ARAP2: variants seen among roughly 807,000 people sequenced by gnomAD.
ARAP2 encodes arf-GAP with Rho-GAP domain, ANK repeat and PH domain-containing protein 2.
In ARAP2, 148 loss-of-function variants were observed where a neutral mutation model predicts 194.5. The ratio of observed to expected loss-of-function variants is 0.76; its 90% CI spans 0.67 to 0.87. The LOEUF (loss-of-function observed/expected upper bound fraction) is 0.87, where lower values mean the gene tolerates loss of function less well. Among genes scored for constraint, ARAP2 ranks in the 40% least tolerant of loss-of-function variants. The pLI is 0.00. For synonymous variants in ARAP2, 695 were observed against 683.5 expected, an observed-to-expected ratio of 1.02 and a Z score of -0.26; for missense variants, 2,128 against 1,989.7, an observed-to-expected ratio of 1.07 and a Z score of -1.32.
chr4:36,113,388 C>T (rs979783742), intron 26 of ARAP2, among the ~76,000 whole-genome samples: 5 of 151,972 alleles, frequency 3.3e-5, no homozygotes, highest in African/African-American at 9.7e-5. Context: ...AGACAAAGTA[C>T]TGACAATCCC....
intron 1 of ARAP2, among the ~76,000 whole-genome samples, chr4:36,238,609 C>A (rs1247886134): frequency 6.6e-6 from 1 of 152,184 alleles, no homozygotes; most frequent in African/African-American, 2.4e-5. Context: ...CCATATCTTG[C>A]AAATTCAAGT....
At chr4:36,179,944 T>C (rs1240899686) in intron 8 of ARAP2, among the ~76,000 whole-genome samples, 1 of 152,244 alleles carries the variant, frequency 6.6e-6, no homozygotes, top group African/African-American at 2.4e-5. Flanking sequence ...CATTCGATAG[T>C]GCTTTATTGC....
chr4:36,110,189 A>G (rs1046677279), intron 26 of ARAP2, among the ~76,000 whole-genome samples: 12 of 151,840 alleles, frequency 7.9e-5, no homozygotes, highest in African/African-American at 2.9e-4. Flanking sequence ...TTCTGTACAC[A>G]TATGTAAGCC....
At chr4:36,178,875 T>C (rs1218117765) in intron 8 of ARAP2, among the ~76,000 whole-genome samples, 2 of 152,162 alleles carry the variant, frequency 1.3e-5, no homozygotes, top group Non-Finnish European at 2.9e-5. Flanking sequence ...AAAAGAGGTA[T>C]ATGTGGTAGA....
rs570817404 is a variant in ARAP2 at position 36,027,579 on chromosome 4, C to A, written n.608-8293G>T. 2.6e-5 allele frequency among the ~76,000 whole-genome samples: 4 copies of A among 152,020 alleles called. No individual in the cohort carries two copies. In the East Asian group the frequency reaches 7.7e-4, roughly 29 times the overall value. ...ACTACACCTAGGGAAAAAATAACCACAACAATAACTACGATTGCCACTACA... is the reference window on the plus strand; with the variant it reads ...ACTACACCTAGGGAAAAAATAACCAAAACAATAACTACGATTGCCACTACA... On this transcript the variant is annotated intron_variant and non_coding_transcript_variant, in intron 5 of 12. Transcript: ENST00000503225.
At chr4:36,054,342 A>G (rs1024176874) in intron 2 of ARAP2, among the ~76,000 whole-genome samples, 1 of 152,242 alleles carries the variant, frequency 6.6e-6, no homozygotes, top group Non-Finnish European at 1.5e-5. Context: ...CTATTGCTCA[A>G]TTATTCTAAA....
intron 15 of ARAP2, among the ~76,000 whole-genome samples, chr4:36,156,287 G>GGAAGGAAA (rs1203057061): frequency 7.4e-6 from 1 of 135,902 alleles, no homozygotes; most frequent in Non-Finnish European, 1.6e-5. Flanking sequence ...GAAAAAGGAA[G>GGAAGGAAA]GAAGGAAAGA....
At chr4:36,040,342 T>G (rs1720641341) in intron 5 of ARAP2, among the ~76,000 whole-genome samples, 1 of 152,120 alleles carries the variant, frequency 6.6e-6, no homozygotes, top group African/African-American at 2.4e-5. Flanking sequence ...ATACTAACTG[T>G]TGGGAAATTC....
Position 36,244,186 on chromosome 4 carries a change from T to C in ARAP2, c.-167A>G, listed in dbSNP as rs752225203. The C allele has an allele frequency of 2.6e-5, 4 of 151,838 alleles. No individual in the cohort carries two copies. Among genetic ancestry groups the C allele is most frequent in the Non-Finnish European group, 5.9e-5 (4 of 68,010 alleles). 9.4% of individuals were successfully genotyped at this position (151,838 alleles called of 1,614,324 possible). ...GAGGCCCCGGGTACTCGCCTTGCGC[T>C]CGGGTCGCGGAGTTCGAAAAGCGAG... is the stretch of plus-strand genomic sequence containing the variant. On this transcript the variant is annotated 5_prime_UTR_variant, in exon 1 of 33. Transcript: ENST00000303965.
chr4:36,205,666 T>G (rs976699700), intron 6 of ARAP2, among the ~76,000 whole-genome samples: 1 of 152,018 alleles, frequency 6.6e-6, no homozygotes, highest in Non-Finnish European at 1.5e-5. Context: ...CAAAGTTACC[T>G]ACTTTTCCAA....
At chr4:36,049,610 C>A (rs1053006851) in intron 3 of ARAP2, among the ~76,000 whole-genome samples, 15 of 152,266 alleles carry the variant, frequency 9.9e-5, no homozygotes, top group Admixed American at 5.9e-4. Flanking sequence ...CAAATTAATT[C>A]TTAAAATTTC....
At chr4:36,072,387 G>A (rs1447306308) in intron 32 of ARAP2, among the ~76,000 whole-genome samples, 1 of 151,848 alleles carries the variant, frequency 6.6e-6, no homozygotes, top group Admixed American at 6.6e-5. Context: ...TGTGGATTTG[G>A]GATAAGGCTA....
intron 1 of ARAP2, among the ~76,000 whole-genome samples, chr4:36,232,969 GAT>G (rs1751779671): frequency 6.6e-6 from 1 of 152,110 alleles, no homozygotes; most frequent in Non-Finnish European, 1.5e-5. Context: ...ATCAAAGAAA[GAT>G]ATACCAGAAG....
Position 36,128,746 on chromosome 4 carries a change from C to A in ARAP2, c.3428-1G>T. The A allele has an allele frequency of 6.8e-7, 1 of 1,466,404 alleles. No individual in the cohort carries two copies. The highest frequency in any genetic ancestry group is 9.0e-7 in the Non-Finnish European group (1 of 1,117,210). 90.8% of individuals were successfully genotyped at this position (1,466,404 alleles called of 1,614,324 possible). A position where few individuals can be genotyped will look rare whatever the true frequency, so the allele number is the denominator to read the frequency against. On this transcript the variant is annotated splice_acceptor_variant, in intron 20 of 32. Transcript: ENST00000303965. LOFTEE classifies it high-confidence loss of function. Reference sequence around the variant, plus strand: ...TGATAGATATATTTGCATCCTAAACCTTTGTTTAAAAAAAAAAAGTTATAC... The same window carrying A: ...TGATAGATATATTTGCATCCTAAACATTTGTTTAAAAAAAAAAAGTTATAC...
At chr4:36,021,416 A>G (rs1716920490) in intron 5 of ARAP2, among the ~76,000 whole-genome samples, 1 of 152,146 alleles carries the variant, frequency 6.6e-6, no homozygotes, top group Non-Finnish European at 1.5e-5. Context: ...ACGGGAGCAG[A>G]TTTCTCATGA....
At chr4:36,176,647 G>A (rs1008478107) in intron 9 of ARAP2, among the ~76,000 whole-genome samples, 1 of 152,056 alleles carries the variant, frequency 6.6e-6, no homozygotes, top group African/African-American at 2.4e-5. Flanking sequence ...TTTGTAGACT[G>A]AAATGTTCAT....
At chr4:36,173,347 A>C (rs555082779) in intron 9 of ARAP2, among the ~76,000 whole-genome samples, 16 of 152,254 alleles carry the variant, frequency 1.1e-4, no homozygotes, top group African/African-American at 3.9e-4. Context: ...TGATTACCTT[A>C]TTTAAACTTT....
intron 25 of ARAP2, 43 bp downstream of exon 25, chr4:36,117,018 G>A: frequency 7.6e-7 from 1 of 1,307,844 alleles, no homozygotes; most frequent in Non-Finnish European, 1.0e-6. Context: ...GCTAACATTT[G>A]TGACTTCCAA....
At chr4:36,237,264 G>C (rs997880952) in intron 1 of ARAP2, among the ~76,000 whole-genome samples, 1 of 152,182 alleles carries the variant, frequency 6.6e-6, no homozygotes, top group Non-Finnish European at 1.5e-5. Flanking sequence ...ACTTATTGTG[G>C]AAAAATCACT....
Sources: allele counts gnomAD v4.1 joint callset (sites outside exome capture counted in the v4.1 genomes callset), GRCh38; gene constraint gnomAD v4.1.1; transcripts MANE v1.5; gene names NCBI Gene and HGNC (gene_info 2026-07-23, HGNC 2026-07-21).